NT5DC4: variants seen among roughly 807,000 people sequenced by gnomAD.
NT5DC4 encodes the protein 5'-nucleotidase domain containing 4.
NT5DC4 carries 44 observed loss-of-function variants against 26.6 expected under a neutral mutation model. That is an observed-to-expected ratio of 1.65 (90% CI 1.30 to 2.13). NT5DC4 has a LOEUF of 2.13. Among genes scored for constraint, NT5DC4 ranks in the 30% most tolerant of loss-of-function variants. The probability of loss-of-function intolerance (pLI) is 0.00; values close to 1 mark genes in which losing one functional copy is unlikely to be tolerated. For synonymous variants in NT5DC4, 157 were observed against 86.7 expected (o/e 1.81, Z -4.51); for missense variants, 399 against 228.1 (o/e 1.75, Z -4.83).
At chr2:112,737,790 G>A (rs1270190655) in intron 16 of NT5DC4, 1 of 152,038 alleles carries the variant, frequency 6.6e-6, no homozygotes, top group Non-Finnish European at 1.5e-5. Flanking sequence ...CAGCCAACTG[G>A]TATATCCTTA....
rs961038210 is a variant in NT5DC4 at position 112,722,017 on chromosome 2, C to T, written c.180C>T (p.Thr60=). 1.5e-5 allele frequency: 11 copies of T among 717,170 alleles called. No individual in the cohort carries two copies. The African/African-American group carries it at 1.9e-4, about 13-fold the overall frequency. The allele number at this position is 717,170 out of a possible 1,614,324, so 44.4% of individuals were successfully genotyped here. ...AYKSPAYEAL[T]FELLLERLVC... ...AGTCCCCAGCTTATGAGGCCCTGAC[C>T]TTCGAGCTGCTGCTGGAGCGCCTGG... Residue 60 remains threonine (T), a synonymous_variant, in exon 3 of 17, where the codon ACC becomes ACT. Transcript: ENST00000688554.
intron 14 of NT5DC4, 62 bp from the exon 15 acceptor site, chr2:112,726,616 G>A: frequency 1.4e-6 from 1 of 717,320 alleles, no homozygotes; most frequent in South Asian, 1.5e-5. Context: ...GGTCTAAGGA[G>A]ACTGTCCTGG....
At chr2:112,719,971 TTTCTTTCTTTCTTTCTTTTTC>T (rs1558715498), upstream of NT5DC4, among the ~76,000 whole-genome samples, 6 of 121,148 alleles carry the variant, frequency 5.0e-5, no homozygotes, top group African/African-American at 9.6e-5. Context: ...TCTTTCTTTC[TTTCTTTCTTTCTTTCTTTTTC>T]TTTTCTTTTC....
chr2:112,739,398 G>A (rs923809022), downstream of NT5DC4, among the ~76,000 whole-genome samples: 1 of 152,134 alleles, frequency 6.6e-6, no homozygotes, highest in African/African-American at 2.4e-5. Flanking sequence ...TCCAGTCTGG[G>A]CAACATGGCA....
At chr2:112,726,961 T>G (rs1009311226) in intron 15 of NT5DC4, 2 of 577,650 alleles carry the variant, frequency 3.5e-6, no homozygotes, top group African/African-American at 3.7e-5. Context: ...TGAGCCTGAT[T>G]TGCAGGCTTT....
chr2:112,721,936 G>A (rs542492953), intron 2 of NT5DC4, 45 bp downstream of exon 2: 93 of 717,256 alleles, frequency 1.3e-4, no homozygotes, highest in Non-Finnish European at 2.1e-4. Context: ...GGAGGGAGCA[G>A]GGGTGGGCAG....
In NT5DC4 at chr2:112,732,418, A is replaced by G. The variant is rs933587331; in HGVS notation, c.1344+2714A>G. On this transcript the variant is annotated intron_variant, in intron 16 of 16. Transcript: ENST00000688554. ...AGGTCTCACTGGCCTGTGTCTTTACAGGGGCAGGTTCTCCAGTAAATCCCA... is the reference window on the plus strand; with the variant it reads ...AGGTCTCACTGGCCTGTGTCTTTACGGGGGCAGGTTCTCCAGTAAATCCCA... Among the ~76,000 whole-genome samples, 8 of 150,208 alleles carry G rather than the reference A, an allele frequency of 5.3e-5. No individual in the cohort carries two copies. The East Asian group carries it at 1.4e-3, about 26-fold the overall frequency.
chr2:112,721,505 C>G, intron 1 of NT5DC4: 1 of 717,942 alleles, frequency 1.4e-6, no homozygotes, highest in South Asian at 1.5e-5. Flanking sequence ...AACAACTGCA[C>G]CTACTTTCTT....
In NT5DC4 at chr2:112,723,089, C is replaced by A. The variant is rs1254126862; in HGVS notation, c.536C>A (p.Thr179Asn). 7.0e-6 allele frequency: 5 copies of A among 715,468 alleles called. No homozygotes were observed. In the South Asian group the frequency reaches 7.4e-5, roughly 11 times the overall value. The allele number at this position is 715,468 out of a possible 1,614,324, so 44.3% of individuals were successfully genotyped here. ...CTCTTTGCCTGCCCCAGTTGTGACA[C>A]CGGCTATCAGCATGGGAACCTCTTC... ...SGCSRYTNCDTGYQHGNLFMS... is the reference protein window; with the variant it reads ...SGCSRYTNCDNGYQHGNLFMS... The change falls in exon 7 of 17, where the codon ACC (threonine) becomes AAC (asparagine). Residue 179 changes from threonine to asparagine, a missense_variant. Coordinates refer to ENST00000688554, the MANE Select transcript of NT5DC4 (RefSeq NM_001393655.1).
upstream of NT5DC4, among the ~76,000 whole-genome samples, chr2:112,719,966 CTTTCTTTCTTTCTTTCTTTCT>C (rs1676724767): frequency 1.9e-5 from 2 of 104,028 alleles, no homozygotes; most frequent in African/African-American, 8.7e-5. Flanking sequence ...TTCTTTCTTT[CTTTCTTTCTTTCTTTCTTTCT>C]TTTTCTTTTC....
At chr2:112,731,980 T>C (rs1347917663) in intron 16 of NT5DC4, among the ~76,000 whole-genome samples, 3 of 147,248 alleles carry the variant, frequency 2.0e-5, no homozygotes, top group Non-Finnish European at 4.4e-5. Flanking sequence ...TGCAGTGCAG[T>C]GGCACGATCT....
chr2:112,740,852 G>A, downstream of NT5DC4: 1 of 1,612,900 alleles, frequency 6.2e-7, no homozygotes, highest in Non-Finnish European at 8.5e-7. Context: ...TTGATACCAG[G>A]ATAATTATGC....
chr2:112,719,840 T>TTCCTTCCCTCCCTCCC (rs763010206), upstream of NT5DC4, among the ~76,000 whole-genome samples: 10 of 78,418 alleles, frequency 1.3e-4, no homozygotes, highest in Admixed American at 2.6e-4. Context: ...CCTTCCTTCC[T>TTCCTTCCCTCCCTCCC]TCCCTCCCTC....
intron 16 of NT5DC4, among the ~76,000 whole-genome samples, chr2:112,735,992 A>C (rs1679108338): frequency 6.6e-6 from 1 of 152,160 alleles, no homozygotes; most frequent in South Asian, 2.1e-4. Flanking sequence ...ATGTCAAGAC[A>C]ATGGTTTTGA....
At chr2:112,741,296 T>C (rs1679946074), downstream of NT5DC4, among the ~76,000 whole-genome samples, 1 of 152,022 alleles carries the variant, frequency 6.6e-6, no homozygotes, top group African/African-American at 2.4e-5. Context: ...AGTCTCCTAT[T>C]CACTCTCAAG....
At chr2:112,735,414 G>GA (rs1184059005) in intron 16 of NT5DC4, among the ~76,000 whole-genome samples, 1 of 152,016 alleles carries the variant, frequency 6.6e-6, no homozygotes, top group Non-Finnish European at 1.5e-5. Flanking sequence ...TAACAAATGT[G>GA]AACCATCATG....
chr2:112,722,175 G>A lies in NT5DC4; in HGVS notation c.267-8G>A, dbSNP rs534734511. On this transcript the variant is annotated splice_polypyrimidine_tract_variant and splice_region_variant and intron_variant, in intron 3 of 16. Transcript: ENST00000688554. ...CACCCACAGTGCCCCCCGACCCCCCGTCTGCAGGCGGCTGGTGTTCGATGA... is the reference window on the plus strand; with the variant it reads ...CACCCACAGTGCCCCCCGACCCCCCATCTGCAGGCGGCTGGTGTTCGATGA... 3.1e-4 allele frequency: 221 copies of A among 712,140 alleles called. 3 individuals are homozygous for A. Among genetic ancestry groups the A allele is most frequent in the South Asian group, 2.8e-3 (190 of 67,324 alleles). 44.1% of individuals were successfully genotyped at this position (712,140 alleles called of 1,614,324 possible). A position where few individuals can be genotyped will look rare whatever the true frequency, so the allele number is the denominator to read the frequency against.
chr2:112,738,537 A>C (rs993915235), intron 16 of NT5DC4: 2 of 351,692 alleles, frequency 5.7e-6, no homozygotes, highest in South Asian at 7.4e-5. Flanking sequence ...GTTGGGATTA[A>C]AGTAGATCAA....
At chr2:112,731,647 T>C (rs1000509832) in intron 16 of NT5DC4, 2 of 152,242 alleles carry the variant, frequency 1.3e-5, no homozygotes, top group Non-Finnish European at 2.9e-5. Context: ...TAGAAGCTTC[T>C]CTGTGGTATT....
Sources: allele counts gnomAD v4.1 joint callset (sites outside exome capture counted in the v4.1 genomes callset), GRCh38; gene constraint gnomAD v4.1.1; transcripts MANE v1.5; gene names NCBI Gene and HGNC (gene_info 2026-07-23, HGNC 2026-07-21).